Variants in AUTS2 observed in about 807,000 individuals in gnomAD.
AUTS2 encodes activator of transcription and developmental regulator AUTS2.
A neutral mutation model predicts 112.4 loss-of-function variants in AUTS2; 17 were observed. The ratio of observed to expected loss-of-function variants is 0.15; its 90% CI spans 0.10 to 0.23. AUTS2 has a LOEUF of 0.23. Among genes scored for constraint, AUTS2 ranks in the 10% least tolerant of loss-of-function variants. The pLI is 1.00. For synonymous variants in AUTS2, 751 were observed against 702.7 expected (o/e 1.07, Z -1.09); for missense variants, 1,510 against 1,701.6 (o/e 0.89, Z 1.98).
intron 6 of AUTS2, chr7:70,699,439 C>T (rs1006134868): frequency 2.0e-5 from 3 of 152,188 alleles, no homozygotes; most frequent in Admixed American, 1.3e-4. Context: ...CACTTGGTAG[C>T]ACTTGAACAG....
chr7:69,824,041 G>A (rs1791123850), intron 1 of AUTS2, among the ~76,000 whole-genome samples: 2 of 152,256 alleles, frequency 1.3e-5, no homozygotes, highest in African/African-American at 2.4e-5. Context: ...CTGAGATATT[G>A]TGAGGATTTT....
At chr7:69,983,587 A>G (rs1276919982) in intron 2 of AUTS2, among the ~76,000 whole-genome samples, 1 of 152,140 alleles carries the variant, frequency 6.6e-6, no homozygotes, top group Non-Finnish European at 1.5e-5. Context: ...TACTCTTTGT[A>G]GATCAAACAA....
rs533825973 is a variant in AUTS2 at position 70,784,772 on chromosome 7, A to C, written c.2147-170A>C. 2.6e-3 allele frequency: 389 copies of C among 149,788 alleles called. 3 individuals carry two copies. Among genetic ancestry groups the C allele is most frequent in the East Asian group, 5.6e-3 (29 of 5,158 alleles). The allele number at this position is 149,788 out of a possible 1,614,324, so 9.3% of individuals were successfully genotyped here. A position where few individuals can be genotyped will look rare whatever the true frequency, so the allele number is the denominator to read the frequency against. ...AAAAAAAAAAAAAAAAAAAAAAAAA[A>C]ACACACATTTTCTTTTACCCTGTGT... On this transcript the variant is annotated intron_variant, in intron 15 of 18. Coordinates refer to ENST00000342771, the MANE Select transcript of AUTS2 (RefSeq NM_015570.4).
intron 4 of AUTS2, among the ~76,000 whole-genome samples, chr7:70,375,202 G>A (rs978669137): frequency 2.6e-5 from 4 of 152,166 alleles, no homozygotes; most frequent in Non-Finnish European, 5.9e-5. Flanking sequence ...GTGAAACAAC[G>A]CATATATGAT....
intron 2 of AUTS2, among the ~76,000 whole-genome samples, chr7:70,117,123 TTTTGTTTTTTTTTG>T (rs1584747019): frequency 1.3e-4 from 17 of 128,110 alleles, no homozygotes; most frequent in Admixed American, 2.3e-4. Context: ...TTTTGTTTTT[TTTTGTTTTTTTTTG>T]TTTTTTTTTT....
chr7:70,247,940 T>C (rs2129603098), intron 4 of AUTS2, among the ~76,000 whole-genome samples: 1 of 152,308 alleles, frequency 6.6e-6, no homozygotes, highest in Non-Finnish European at 1.5e-5. Flanking sequence ...AGATTTAATT[T>C]TTATCATGAA....
chr7:69,936,891 C>T (rs149317097), intron 2 of AUTS2, among the ~76,000 whole-genome samples: 241 of 152,242 alleles, frequency 1.6e-3, no homozygotes, highest in Non-Finnish European at 2.8e-3. Context: ...CTTTTTCTCT[C>T]CCTTTTCTTT....
chr7:69,736,519 A>C (rs564723020), intron 1 of AUTS2, among the ~76,000 whole-genome samples: 2 of 152,328 alleles, frequency 1.3e-5, no homozygotes, highest in African/African-American at 4.8e-5. Context: ...GCTATTCCTC[A>C]TGAAAAGCAT....
At chr7:70,720,201 T>C (rs1011975171) in intron 6 of AUTS2, among the ~76,000 whole-genome samples, 1 of 116,782 alleles carries the variant, frequency 8.6e-6, no homozygotes, top group Non-Finnish European at 1.9e-5. Context: ...TGTTTTCTTG[T>C]ATTTTTTTTT....
chr7:70,555,898 G>A (rs1348013554), intron 5 of AUTS2, among the ~76,000 whole-genome samples: 3 of 150,396 alleles, frequency 2.0e-5, no homozygotes, highest in South Asian at 2.2e-4. Flanking sequence ...TCTGCCTCCC[G>A]GGTTCATGCC....
intron 2 of AUTS2, among the ~76,000 whole-genome samples, chr7:70,045,677 C>T (rs765236970): frequency 9.2e-5 from 14 of 151,664 alleles, no homozygotes; most frequent in Middle Eastern, 3.4e-3. Flanking sequence ...GGTGCAATCT[C>T]GGCTCACTGC....
chr7:70,058,608 A>G (rs1465904619), intron 2 of AUTS2, among the ~76,000 whole-genome samples: 2 of 148,976 alleles, frequency 1.3e-5, no homozygotes, highest in Non-Finnish European at 3.0e-5. Flanking sequence ...GGATTTATCT[A>G]TTGCTACATG....
intron 2 of AUTS2, among the ~76,000 whole-genome samples, chr7:70,117,771 G>A (rs1805459515): frequency 1.3e-5 from 2 of 149,846 alleles, no homozygotes; most frequent in African/African-American, 2.5e-5. Context: ...TTTGTGAGAC[G>A]GAGTCTTAAC....
intron 5 of AUTS2, among the ~76,000 whole-genome samples, chr7:70,487,435 C>T (rs954262844): frequency 1.3e-5 from 2 of 152,160 alleles, no homozygotes; most frequent in African/African-American, 2.4e-5. Context: ...CCTTTGGTAG[C>T]GTGATAGCTC....
At chr7:70,755,336 T>C (rs544007575) in intron 6 of AUTS2, among the ~76,000 whole-genome samples, 1 of 152,166 alleles carries the variant, frequency 6.6e-6, no homozygotes, top group African/African-American at 2.4e-5. Context: ...GAGTCAAATA[T>C]TTATCTGTCC....
chr7:70,173,599 A>G (rs1808824655), intron 4 of AUTS2, among the ~76,000 whole-genome samples: 1 of 152,202 alleles, frequency 6.6e-6, no homozygotes. Flanking sequence ...TGCTTGGCAG[A>G]TACTGTATTT....
intron 2 of AUTS2, among the ~76,000 whole-genome samples, chr7:70,044,277 A>G (rs1037322408): frequency 3.9e-5 from 6 of 152,118 alleles, no homozygotes; most frequent in Admixed American, 2.6e-4. Flanking sequence ...CAAGCCCTGA[A>G]TTTTATTACA....
At chr7:69,904,650 A>C (rs541572533) in intron 2 of AUTS2, among the ~76,000 whole-genome samples, 37 of 152,294 alleles carry the variant, frequency 2.4e-4, no homozygotes, top group African/African-American at 8.4e-4. Flanking sequence ...TCTACCTCAT[A>C]CTTCAAAATT....
intron 4 of AUTS2, among the ~76,000 whole-genome samples, chr7:70,158,627 A>G (rs1174658472): frequency 6.6e-6 from 1 of 152,166 alleles, no homozygotes; most frequent in Non-Finnish European, 1.5e-5. Context: ...TAAGACGTCC[A>G]TGGGATGAGC....
Sources: gnomAD v4.1 joint callset for allele counts (sites outside exome capture counted in the v4.1 genomes callset) on GRCh38, gnomAD v4.1.1 for gene constraint, MANE v1.5 for transcripts, NCBI Gene and HGNC (gene_info 2026-07-23, HGNC 2026-07-21) for gene names.